The following MYL2 variants were observed in gnomAD, a reference collection of about 807,000 sequenced individuals.
MYL2 encodes myosin regulatory light chain 2, ventricular/cardiac muscle isoform.
A neutral mutation model predicts 23.0 loss-of-function variants in MYL2; 19 were observed. The ratio of observed to expected loss-of-function variants is 0.83; its 90% CI spans 0.58 to 1.21. MYL2 has a LOEUF of 1.21. MYL2 is among the 50% of genes most tolerant of loss of function. The pLI is 0.00. For missense variants in MYL2, 180 were observed against 215.1 expected (o/e 0.84, Z 1.02); for synonymous variants, 78 against 76.2 (o/e 1.02, Z -0.13).
At chr12:110,919,933 C>T (rs1392030396) in intron 1 of MYL2, among the ~76,000 whole-genome samples, 1 of 152,184 alleles carries the variant, frequency 6.6e-6, no homozygotes, top group Non-Finnish European at 1.5e-5. Flanking sequence ...GGTTGGGTCA[C>T]TTGCCCAAGA....
intron 1 of MYL2, among the ~76,000 whole-genome samples, chr12:110,920,197 A>G (rs1338459862): frequency 6.6e-6 from 1 of 152,232 alleles, no homozygotes; most frequent in Non-Finnish European, 1.5e-5. Flanking sequence ...TGAACAAGAG[A>G]AAAGAATTAC....
chr12:110,920,450 G>T, intron 1 of MYL2, 77 bp downstream of exon 1: 1 of 1,607,914 alleles, frequency 6.2e-7, no homozygotes, highest in South Asian at 1.1e-5. Context: ...CTCCCCCTCC[G>T]CCGTGGTCCC....
intron 2 of MYL2, 56 bp downstream of exon 2, chr12:110,919,045 AGGT>A: frequency 6.7e-7 from 1 of 1,499,408 alleles, no homozygotes; most frequent in East Asian, 2.3e-5. Context: ...AACAAAAAGA[AGGT>A]TCTCCCTCGT....
At chr12:110,914,815 G>A (rs957477086) in intron 3 of MYL2, among the ~76,000 whole-genome samples, 5 of 152,018 alleles carry the variant, frequency 3.3e-5, no homozygotes, top group South Asian at 2.1e-4. Flanking sequence ...CCACCATGCC[G>A]GCCAGTTCAT....
At chr12:110,920,617 C>T (rs141444814), upstream of MYL2, 271 of 1,603,658 alleles carry the variant, frequency 1.7e-4, no homozygotes, top group East Asian at 5.4e-3. Flanking sequence ...TACTTCCTCC[C>T]CATGTTTAAA....
intron 4 of MYL2, among the ~76,000 whole-genome samples, chr12:110,913,775 CAG>C (rs2071669957): frequency 6.6e-6 from 1 of 152,168 alleles, no homozygotes; most frequent in African/African-American, 2.4e-5. Context: ...TGTTTTGAGA[CAG>C]AGTCTCACCT....
intron 3 of MYL2, among the ~76,000 whole-genome samples, chr12:110,915,182 C>A (rs2071680745): frequency 1.3e-5 from 2 of 152,136 alleles, no homozygotes; most frequent in African/African-American, 4.8e-5. Flanking sequence ...GTATGGTTGC[C>A]CTGAGTTCTA....
chr12:110,911,849 AGTT>A (rs1203667557), intron 6 of MYL2, among the ~76,000 whole-genome samples: 1 of 152,250 alleles, frequency 6.6e-6, no homozygotes, highest in African/African-American at 2.4e-5. Flanking sequence ...AGCATTGGCT[AGTT>A]ATTATTATTA....
intron 4 of MYL2, 83 bp downstream of exon 4, chr12:110,914,103 T>G: frequency 4.5e-6 from 5 of 1,110,838 alleles, no homozygotes; most frequent in Non-Finnish European, 6.9e-6. Flanking sequence ...TTTATCTCTT[T>G]TAAAGTTAAC....
In MYL2 at chr12:110,918,839, G is replaced by A. The variant is rs1292416507; in HGVS notation, c.93+265C>T. 3 of 480,018 alleles carry A rather than the reference G, an allele frequency of 6.2e-6. No homozygotes were observed. The East Asian group carries it at 1.2e-4, about 19-fold the overall frequency. 29.7% of individuals were successfully genotyped at this position (480,018 alleles called of 1,614,324 possible). Reference sequence around the variant, plus strand: ...ATTATCTCTGGGTAATAGAATTGTAGGTAGTTTTTATTTCCTTTTCTGTGC... The same window carrying A: ...ATTATCTCTGGGTAATAGAATTGTAAGTAGTTTTTATTTCCTTTTCTGTGC... On this transcript the variant is annotated intron_variant, in intron 2 of 6. Coordinates refer to ENST00000228841, the MANE Select transcript of MYL2 (RefSeq NM_000432.4). This position sits in a 1 kb window ranked among gnomAD's most constrained non-coding sequence, Gnocchi z 4.4.
Position 110,920,530 on chromosome 12 carries a change from G to C in MYL2, c.-1C>G. 6.2e-7 allele frequency: 1 copy of C among 1,614,100 alleles called. No individual in the cohort carries two copies. Among genetic ancestry groups the C allele is most frequent in the Non-Finnish European group, 8.5e-7 (1 of 1,180,024 alleles). Reference sequence around the variant, plus strand: ...CTCCTGGAGCCCTTGTACTCACCATGGTGGAAAGGACCCAGCACTGCCTCC... The same window carrying C: ...CTCCTGGAGCCCTTGTACTCACCATCGTGGAAAGGACCCAGCACTGCCTCC... On this transcript the variant is annotated 5_prime_UTR_variant, in exon 1 of 7. Coordinates refer to ENST00000228841, the MANE Select transcript of MYL2 (RefSeq NM_000432.4).
intron 4 of MYL2, 72 bp from the exon 5 acceptor site, chr12:110,913,396 C>A: frequency 6.6e-7 from 1 of 1,511,744 alleles, no homozygotes; most frequent in Non-Finnish European, 9.2e-7. Flanking sequence ...CAGCAGGGCC[C>A]AAGTTCCCCC....
chr12:110,912,056 G>C (rs1045267852), intron 6 of MYL2, among the ~76,000 whole-genome samples: 1 of 152,164 alleles, frequency 6.6e-6, no homozygotes, highest in African/African-American at 2.4e-5. Flanking sequence ...CACAGCAGGT[G>C]GAAAGTGAAG....
In MYL2 at chr12:110,914,133, C is replaced by T. The variant is rs11065770; in HGVS notation, c.274+53G>A. The stretch of plus-strand genomic sequence containing the variant: ...GTTAACCATCTTCTGCCAGCCCCCC[C>T]GAAGAAACATAGACACATACACACA... On this transcript the variant is annotated intron_variant, in intron 4 of 6. Transcript: ENST00000228841. The T allele has an allele frequency of 0.077, 103,744 of 1,349,590 alleles. 5,103 individuals carry two copies. Among genetic ancestry groups the T allele is most frequent in the East Asian group, 0.22 (9,560 of 43,604 alleles). 83.6% of individuals were successfully genotyped at this position (1,349,590 alleles called of 1,614,324 possible).
intron 2 of MYL2, among the ~76,000 whole-genome samples, chr12:110,917,999 G>A (rs1318437301): frequency 6.6e-6 from 1 of 152,178 alleles, no homozygotes. Context: ...TGGGAGGATT[G>A]ATTAATCTGG....
chr12:110,915,856 G>T, intron 2 of MYL2, 66 bp from the exon 3 acceptor site: 1 of 1,361,204 alleles, frequency 7.3e-7, no homozygotes, highest in Non-Finnish European at 1.1e-6. Context: ...AAGAGATTGG[G>T]CCAAGGACTT....
chr12:110,913,853 A>G (rs2071670808), intron 4 of MYL2, among the ~76,000 whole-genome samples: 1 of 152,176 alleles, frequency 6.6e-6, no homozygotes, highest in Admixed American at 6.5e-5. Flanking sequence ...TCCCGGTTCA[A>G]GGGATTCTCC....
In MYL2 at chr12:110,910,850, G is replaced by A. The variant is rs1315804836; in HGVS notation, c.*227C>T. The stretch of plus-strand genomic sequence containing the variant: ...AGAGAAATGTCGTGACCAAATACAC[G>A]ACCTCCTGTTTATTGGAACATGGCC... On this transcript the variant is annotated 3_prime_UTR_variant, in exon 7 of 7. Coordinates refer to ENST00000228841, the MANE Select transcript of MYL2 (RefSeq NM_000432.4). 1 of 582,178 alleles carries A rather than the reference G, an allele frequency of 1.7e-6. No individual in the cohort carries two copies. The highest frequency in any genetic ancestry group is 3.1e-6 in the Non-Finnish European group (1 of 323,078). The allele number at this position is 582,178 out of a possible 1,614,324, so 36.1% of individuals were successfully genotyped here. A position where few individuals can be genotyped will look rare whatever the true frequency, so the allele number is the denominator to read the frequency against.
At chr12:110,915,912 A>G (rs1171124118) in intron 2 of MYL2, 122 bp from the exon 3 acceptor site, 25 of 824,602 alleles carry the variant, frequency 3.0e-5, no homozygotes, top group Non-Finnish European at 4.7e-5. Flanking sequence ...GTAGGACCTC[A>G]GATTAAAAGT....
Sources: allele counts gnomAD v4.1 joint callset (sites outside exome capture counted in the v4.1 genomes callset), GRCh38; gene constraint gnomAD v4.1.1; non-coding constraint Gnocchi (gnomAD v3.1); transcripts MANE v1.5; gene names NCBI Gene and HGNC (gene_info 2026-07-23, HGNC 2026-07-21).